Variants in NF1 observed in about 807,000 individuals in gnomAD.
NF1 encodes the protein neurofibromin 1.
A neutral mutation model predicts 325.7 loss-of-function variants in NF1; 122 were observed. The observed-to-expected ratio is 0.37, with a 90% CI of 0.32 to 0.44. The LOEUF (loss-of-function observed/expected upper bound fraction) is 0.44. Ranked by LOEUF, NF1 falls within the 20% of genes least tolerant of loss-of-function variation. NF1 has a pLI of 1.00. For missense variants in NF1, 2,140 were observed against 3,415.4 expected (o/e 0.63, Z 9.31); for synonymous variants, 1,091 against 1,186.0 (o/e 0.92, Z 1.65).
intron 46 of NF1, 71 bp downstream of exon 46, chr17:31,338,876 G>C (rs2069749753): frequency 1.1e-5 from 11 of 990,656 alleles, no homozygotes; most frequent in Middle Eastern, 2.2e-4. Context: ...CTTTCAAAGA[G>C]TTTAGAAAAT....
intron 36 of NF1, among the ~76,000 whole-genome samples, chr17:31,293,332 T>C (rs2068390727): frequency 6.6e-6 from 1 of 151,596 alleles, no homozygotes; most frequent in Admixed American, 6.6e-5. Context: ...TACTAATCAG[T>C]GTTTGGGAGG....
chr17:31,326,561 C>T (rs1429989155), intron 37 of NF1, among the ~76,000 whole-genome samples: 3 of 151,988 alleles, frequency 2.0e-5, no homozygotes, highest in African/African-American at 4.8e-5. Context: ...GCAGGAGAAT[C>T]GCTTGAACCC....
At chr17:31,144,040 A>G (rs992063997) in intron 1 of NF1, among the ~76,000 whole-genome samples, 3 of 151,620 alleles carry the variant, frequency 2.0e-5, no homozygotes, top group African/African-American at 7.3e-5. Flanking sequence ...AGTCAGGATG[A>G]TCTTGATCTC....
At chr17:31,335,467 A>G (rs2069642955) in intron 40 of NF1, among the ~76,000 whole-genome samples, 1 of 150,048 alleles carries the variant, frequency 6.7e-6, no homozygotes, top group African/African-American at 2.5e-5. Flanking sequence ...TTTCATTTAT[A>G]GTTCTACATA....
intron 35 of NF1, among the ~76,000 whole-genome samples, chr17:31,263,949 A>G (rs2067739585): frequency 6.6e-6 from 1 of 152,118 alleles, no homozygotes; most frequent in Admixed American, 6.6e-5. Context: ...GCACATGTAC[A>G]TTTGTTTCTC....
chr17:31,340,712 G>A (rs561656790), intron 47 of NF1, 67 bp downstream of exon 47: 11 of 1,520,666 alleles, frequency 7.2e-6, no homozygotes, highest in Admixed American at 3.4e-5. Context: ...TTTTCTTGTT[G>A]CTATTCTTTT....
Position 31,200,705 on chromosome 17 carries a change from TTGA to T in NF1, c.1062+112_1062+114del. On this transcript the variant is annotated intron_variant, in intron 9 of 57. Transcript: ENST00000358273. ...CTAACATTAAAGTTCTGACTCTTCG[TTGA>T]TAAGTTCATAGGACTTGCTTTTGTT... is the stretch of plus-strand genomic sequence containing the variant. 3 of 1,257,176 alleles carry T rather than the reference TTGA, an allele frequency of 2.4e-6. No homozygotes were observed. In the South Asian group the frequency reaches 3.7e-5, roughly 16 times the overall value. The allele number at this position is 1,257,176 out of a possible 1,614,324, so 77.9% of individuals were successfully genotyped here.
At chr17:31,331,904 T>TTAAAA (rs1379258709) in intron 39 of NF1, 1 of 42,882 alleles carries the variant, frequency 2.3e-5, no homozygotes, top group Non-Finnish European at 3.7e-5. Context: ...CCTTCTCTAT[T>TTAAAA]AAAAAAAAAA....
intron 30 of NF1, among the ~76,000 whole-genome samples, chr17:31,249,396 G>A (rs1567858536): frequency 6.6e-6 from 1 of 152,244 alleles, no homozygotes; most frequent in Non-Finnish European, 1.5e-5. Flanking sequence ...TATGATGGAT[G>A]TGGCTGAAAT....
At chr17:31,124,870 G>C (rs1190527614) in intron 1 of NF1, among the ~76,000 whole-genome samples, 3 of 151,190 alleles carry the variant, frequency 2.0e-5, no homozygotes, top group Admixed American at 6.6e-5. Flanking sequence ...CAAAGTGCTG[G>C]GATTATATGC....
At chr17:31,344,497 AG>A (rs1337148046) in intron 48 of NF1, among the ~76,000 whole-genome samples, 1 of 152,246 alleles carries the variant, frequency 6.6e-6, no homozygotes, top group East Asian at 1.9e-4. Context: ...TAGAGATTCA[AG>A]CTATAGCTTG....
At chr17:31,180,483 A>C (rs571570139) in intron 5 of NF1, among the ~76,000 whole-genome samples, 2 of 152,350 alleles carry the variant, frequency 1.3e-5, no homozygotes, top group African/African-American at 2.4e-5. Context: ...AAACAGAACC[A>C]ATGACAAAAA....
chr17:31,163,353 A>C lies in NF1; in HGVS notation c.456A>C (p.Ala152=), dbSNP rs377481833. ...CTCTCAGCTGCAACAACTTCAATGC[A>C]GTCTTTAGTCGCATTTCTACCAGGT... ...LFSLSCNNFN[A]VFSRISTRLQ... The change falls in exon 4 of 58, where the codon GCA becomes GCC. Residue 152 remains alanine (A), a synonymous_variant. Transcript: ENST00000358273. 1.9e-6 allele frequency: 3 copies of C among 1,614,062 alleles called. No homozygotes were observed. The highest frequency in any genetic ancestry group is 2.5e-6 in the Non-Finnish European group (3 of 1,180,016).
chr17:31,239,921 G>C (rs1379258512), intron 29 of NF1, among the ~76,000 whole-genome samples: 5 of 152,074 alleles, frequency 3.3e-5, no homozygotes, highest in Non-Finnish European at 1.5e-5. Context: ...CCACCACCAT[G>C]CCTGGCTAAT....
intron 36 of NF1, chr17:31,294,751 CTTAAAACATTTCATTTTTTTTA>C (rs1312883374): frequency 1.9e-6 from 1 of 518,118 alleles, no homozygotes; most frequent in Non-Finnish European, 3.5e-6. Context: ...AAATTGAAGC[CTTAAAACATTTCATTTTTTTTA>C]TAAAAGAAAC....
chr17:31,269,519 A>C (rs1206762261), intron 36 of NF1, among the ~76,000 whole-genome samples: 1 of 152,210 alleles, frequency 6.6e-6, no homozygotes, highest in East Asian at 1.9e-4. Context: ...ACAGAAATGC[A>C]ATTCAAATTT....
intron 8 of NF1, among the ~76,000 whole-genome samples, chr17:31,185,781 G>C (rs940048154): frequency 7.2e-5 from 11 of 152,194 alleles, no homozygotes; most frequent in African/African-American, 2.7e-4. Flanking sequence ...TGTGCAAGCT[G>C]CTCTGCCACT....
At chr17:31,146,310 T>C (rs1184725517) in intron 1 of NF1, among the ~76,000 whole-genome samples, 5 of 152,120 alleles carry the variant, frequency 3.3e-5, no homozygotes, top group Non-Finnish European at 7.4e-5. Context: ...TCTTGTTCTT[T>C]CCTAGCCAGG....
chr17:31,350,403 T>A, intron 50 of NF1, 85 bp downstream of exon 50: 1 of 1,201,482 alleles, frequency 8.3e-7, no homozygotes, highest in South Asian at 1.3e-5. Flanking sequence ...CAGAGTAATC[T>A]AGAAGGTAAC....
Sources: allele counts gnomAD v4.1 joint callset (sites outside exome capture counted in the v4.1 genomes callset), GRCh38; gene constraint gnomAD v4.1.1; transcripts MANE v1.5; gene names NCBI Gene and HGNC (gene_info 2026-07-23, HGNC 2026-07-21).